The following PDCD5 variants were observed in gnomAD, a reference collection of about 807,000 sequenced individuals.
The protein encoded by PDCD5 is programmed cell death protein 5.
A neutral mutation model predicts 21.9 loss-of-function variants in PDCD5; 23 were observed. The observed-to-expected ratio is 1.05, with a 90% CI of 0.76 to 1.49. The LOEUF (loss-of-function observed/expected upper bound fraction) is 1.49. PDCD5 is among the 40% of genes most tolerant of loss of function. PDCD5 has a pLI of 0.00. For synonymous variants in PDCD5, 45 were observed against 49.4 expected, an observed-to-expected ratio of 0.91 and a Z score of 0.37; for missense variants, 152 against 147.7, an observed-to-expected ratio of 1.03 and a Z score of -0.15.
chr19:32,587,312 TCA>T lies in PDCD5; in HGVS notation c.*15_*16del. On this transcript the variant is annotated 3_prime_UTR_variant, in exon 6 of 6. Transcript: ENST00000590247. ...ATGACGATTATTGAACTACAAGTGC[TCA>T]CAGACTAGAACTTAACGGAACAAGT... The T allele has an allele frequency of 1.3e-6, 2 of 1,587,290 alleles. No homozygotes were observed. The highest frequency in any genetic ancestry group is 2.2e-5 in the South Asian group (2 of 90,320).
rs1971488838 is a variant in PDCD5 at position 32,587,450 on chromosome 19, CAT to C, written c.*152_*153del. 1 of 517,356 alleles carries C rather than the reference CAT, an allele frequency of 1.9e-6. No homozygotes were observed. The highest frequency in any genetic ancestry group is 3.4e-6 in the Non-Finnish European group (1 of 295,614). 32.0% of individuals were successfully genotyped at this position (517,356 alleles called of 1,614,324 possible). A position where few individuals can be genotyped will look rare whatever the true frequency, so the allele number is the denominator to read the frequency against. On this transcript the variant is annotated 3_prime_UTR_variant, in exon 6 of 6. Transcript: ENST00000590247. ...ACATTTGGGTAAGTTGTTTTAGTAT[CAT>C]AGCCAAGTGGCCAGATCTGTGTTTT...
At chr19:32,581,501 G>A in intron 1 of PDCD5, 174 bp downstream of exon 1, 1 of 389,356 alleles carries the variant, frequency 2.6e-6, no homozygotes, top group Non-Finnish European at 4.5e-6. Flanking sequence ...TTTCCTCGTC[G>A]CGAGGGGCCC....
intron 5 of PDCD5, 149 bp downstream of exon 5, chr19:32,587,078 T>C: frequency 2.4e-6 from 2 of 836,366 alleles, no homozygotes; most frequent in East Asian, 2.6e-5. Flanking sequence ...GCTGAATCTG[T>C]TGGGGGAGGG....
intron 5 of PDCD5, 91 bp downstream of exon 5, chr19:32,587,020 CCA>C: frequency 8.6e-7 from 1 of 1,161,814 alleles, no homozygotes; most frequent in Non-Finnish European, 1.2e-6. Flanking sequence ...ATTTTTCAGC[CCA>C]GAGACATTTT....
intron 5 of PDCD5, 88 bp from the exon 6 acceptor site, chr19:32,587,165 T>G (rs1375247705): frequency 4.6e-6 from 5 of 1,093,686 alleles, no homozygotes; most frequent in Middle Eastern, 2.0e-4. Flanking sequence ...CACAAATGTC[T>G]TGCTAAAATT....
At chr19:32,586,484 T>C (rs918647297) in intron 4 of PDCD5, 10 of 1,101,918 alleles carry the variant, frequency 9.1e-6, no homozygotes, top group Admixed American at 9.5e-5. Flanking sequence ...ACTTACCTCC[T>C]TCAAGGGGAT....
intron 4 of PDCD5, chr19:32,586,369 T>A (rs1403879497): frequency 2.1e-5 from 26 of 1,227,280 alleles, no homozygotes; most frequent in South Asian, 1.4e-4. Context: ...AGAAGCCGTC[T>A]GCTACCACCA....
intron 4 of PDCD5, 188 bp from the exon 5 acceptor site, chr19:32,586,670 C>A (rs1971479870): frequency 7.6e-7 from 1 of 1,309,774 alleles, no homozygotes; most frequent in Non-Finnish European, 9.7e-7. Context: ...TGAGGAATAG[C>A]AGAGCAAATT....
At chr19:32,583,266 C>A (rs1371110805) in intron 2 of PDCD5, among the ~76,000 whole-genome samples, 2 of 151,892 alleles carry the variant, frequency 1.3e-5, no homozygotes, top group African/African-American at 2.4e-5. Context: ...TTTGTACTGC[C>A]CCTTACTGCA....
chr19:32,586,244 C>T, intron 4 of PDCD5: 1 of 1,432,146 alleles, frequency 7.0e-7, no homozygotes, highest in Non-Finnish European at 9.1e-7. Context: ...GTGTGTTTTG[C>T]AGATGAGAAG....
chr19:32,582,265 T>G, intron 2 of PDCD5, 33 bp downstream of exon 2: 2 of 1,578,484 alleles, frequency 1.3e-6, no homozygotes, highest in Non-Finnish European at 1.7e-6. Context: ...TTTTGAAGGG[T>G]GGTTTCACCA....
rs769353763 is a variant in PDCD5, at chr19:32,581,225, A to G, written c.-37A>G. On this transcript the variant is annotated 5_prime_UTR_variant, in exon 1 of 6. Transcript: ENST00000590247. ...GCCGCGCTCGCGCCGAGGGGCTGCGAGAGTGACCGCGGCTGCTCCAGCGCT... is the reference window on the plus strand; with the variant it reads ...GCCGCGCTCGCGCCGAGGGGCTGCGGGAGTGACCGCGGCTGCTCCAGCGCT... The G allele has an allele frequency of 1.2e-5, 17 of 1,450,152 alleles. No homozygotes were observed. The highest frequency in any genetic ancestry group is 9.1e-5 in the Admixed American group (4 of 43,736). 89.8% of individuals were successfully genotyped at this position (1,450,152 alleles called of 1,614,324 possible).
Position 32,581,620 on chromosome 19 carries a change from A to G in PDCD5, c.66+293A>G, listed in dbSNP as rs929440712. 1.6e-5 allele frequency: 5 copies of G among 305,624 alleles called. No homozygotes were observed. In the South Asian group the frequency reaches 4.4e-4, roughly 27 times the overall value. 18.9% of individuals were successfully genotyped at this position (305,624 alleles called of 1,614,324 possible). A position where few individuals can be genotyped will look rare whatever the true frequency, so the allele number is the denominator to read the frequency against. On this transcript the variant is annotated intron_variant, in intron 1 of 5. Coordinates refer to ENST00000590247, the MANE Select transcript of PDCD5 (RefSeq NM_004708.4). ...CCTGGCGGGCCTGGATCCAAGCACA[A>G]TCTCAGCTTTTGGAGCCAGCAGCCG...
At position 32,587,371 on chromosome 19, in the gene PDCD5, TTTG is replaced by T; in HGVS notation, c.*74_*76del. On this transcript the variant is annotated 3_prime_UTR_variant, in exon 6 of 6. Transcript: ENST00000590247. ...CAGAAGTTAAGATCTGATTATTTACTTTGTTTATTGTCTATATGCCTTTTAAAA... is the reference window on the plus strand; with the variant it reads ...CAGAAGTTAAGATCTGATTATTTACTTTTATTGTCTATATGCCTTTTAAAA... The T allele has an allele frequency of 9.4e-7, 1 of 1,066,362 alleles. No individual in the cohort carries two copies. The highest frequency in any genetic ancestry group is 1.4e-6 in the Non-Finnish European group (1 of 705,462). 66.1% of individuals were successfully genotyped at this position (1,066,362 alleles called of 1,614,324 possible). A position where few individuals can be genotyped will look rare whatever the true frequency, so the allele number is the denominator to read the frequency against.
chr19:32,581,377 C>T (rs1050539943), intron 1 of PDCD5, 50 bp downstream of exon 1: 2 of 1,343,268 alleles, frequency 1.5e-6, no homozygotes, highest in African/African-American at 1.5e-5. Context: ...GCGCCGCCCT[C>T]GCCCGGAGTG....
At chr19:32,584,069 T>G (rs1038081537) in intron 2 of PDCD5, among the ~76,000 whole-genome samples, 1 of 152,068 alleles carries the variant, frequency 6.6e-6, no homozygotes, top group Non-Finnish European at 1.5e-5. Flanking sequence ...TGACCTCAAG[T>G]GATCCACCCA....
chr19:32,587,291 C>CCAT lies in PDCD5; in HGVS notation c.369_370insCAT (p.Asp123_Asp124insHis), dbSNP rs1568388773. On this transcript the variant is annotated inframe_insertion, in exon 6 of 6. Transcript: ENST00000590247. ...AAGTAATGGACTCTGATGAAGATGA[C>CCAT]GATTATTGAACTACAAGTGCTCACA... is the stretch of plus-strand genomic sequence containing the variant. 6.2e-6 allele frequency: 10 copies of CCAT among 1,604,828 alleles called. No homozygotes were observed. The East Asian group carries it at 2.0e-4, about 32-fold the overall frequency.
chr19:32,586,676 A>C, intron 4 of PDCD5, 182 bp from the exon 5 acceptor site: 1 of 1,313,872 alleles, frequency 7.6e-7, no homozygotes, highest in Non-Finnish European at 9.7e-7. Flanking sequence ...ATAGCAGAGC[A>C]AATTTTATTT....
intron 2 of PDCD5, among the ~76,000 whole-genome samples, chr19:32,583,326 T>C (rs1011075632): frequency 6.6e-6 from 1 of 152,166 alleles, no homozygotes; most frequent in Admixed American, 6.5e-5. Flanking sequence ...TGCTCTTTGA[T>C]ACCCCAGTGG....
Sources: gnomAD v4.1 joint callset for allele counts (sites outside exome capture counted in the v4.1 genomes callset) on GRCh38, gnomAD v4.1.1 for gene constraint, MANE v1.5 for transcripts, NCBI Gene and HGNC (gene_info 2026-07-23, HGNC 2026-07-21) for gene names.